TBL1XR1: variants seen among roughly 807,000 people sequenced by gnomAD.
The protein encoded by TBL1XR1 is TBL1X/Y related 1.
In TBL1XR1, 5 loss-of-function variants were observed where a neutral mutation model predicts 66.9. The observed-to-expected ratio is 0.07, with a 90% CI of 0.04 to 0.16. TBL1XR1 has a LOEUF of 0.16. TBL1XR1 is among the 10% of genes least tolerant of loss of function. TBL1XR1 has a pLI of 1.00. For missense variants in TBL1XR1, 238 were observed against 623.2 expected (o/e 0.38, Z 6.58); for synonymous variants, 210 against 206.0 (o/e 1.02, Z -0.17).
intron 1 of TBL1XR1, among the ~76,000 whole-genome samples, chr3:177,152,584 C>G (rs775181970): frequency 5.3e-5 from 8 of 152,184 alleles, no homozygotes; most frequent in Non-Finnish European, 8.8e-5. Flanking sequence ...AGCCATGGTG[C>G]CCGGCCGCCC....
At chr3:177,037,841 A>C (rs1446531834) in intron 12 of TBL1XR1, 1 of 349,644 alleles carries the variant, frequency 2.9e-6, no homozygotes, top group Non-Finnish European at 5.3e-6. Flanking sequence ...GGAGAGCCCT[A>C]ACTAATAGGG....
At chr3:177,043,926 C>A (rs1017350392) in intron 10 of TBL1XR1, among the ~76,000 whole-genome samples, 4 of 152,070 alleles carry the variant, frequency 2.6e-5, no homozygotes, top group Non-Finnish European at 5.9e-5. Flanking sequence ...TTTAAATGGG[C>A]TAAATAATCT....
intron 1 of TBL1XR1, among the ~76,000 whole-genome samples, chr3:177,158,692 C>G (rs1731814636): frequency 6.6e-6 from 1 of 152,132 alleles, no homozygotes. Context: ...AAGAAGCTGA[C>G]AGACCTGCAT....
intron 1 of TBL1XR1, among the ~76,000 whole-genome samples, chr3:177,139,733 A>G (rs1461051837): frequency 6.6e-6 from 1 of 152,116 alleles, no homozygotes; most frequent in African/African-American, 2.4e-5. Flanking sequence ...ACAACGTAAG[A>G]CATGCAAAAG....
At chr3:177,183,424 A>G (rs1735055395) in intron 1 of TBL1XR1, among the ~76,000 whole-genome samples, 1 of 152,174 alleles carries the variant, frequency 6.6e-6, no homozygotes, top group Admixed American at 6.5e-5. Flanking sequence ...GTAAAATTTA[A>G]CATATATATT....
intron 1 of TBL1XR1, among the ~76,000 whole-genome samples, chr3:177,154,354 G>C (rs951920467): frequency 3.3e-5 from 5 of 151,906 alleles, no homozygotes; most frequent in African/African-American, 7.3e-5. Context: ...CTAAATGTGT[G>C]TACCTAACAC....
At chr3:177,060,540 A>C (rs1186969032) in intron 3 of TBL1XR1, among the ~76,000 whole-genome samples, 1 of 152,220 alleles carries the variant, frequency 6.6e-6, no homozygotes, top group Non-Finnish European at 1.5e-5. Flanking sequence ...CTTTCCCTAA[A>C]GCAAATATAC....
chr3:177,108,066 T>C (rs1725101260), intron 1 of TBL1XR1, among the ~76,000 whole-genome samples: 1 of 151,340 alleles, frequency 6.6e-6, no homozygotes, highest in African/African-American at 2.4e-5. Flanking sequence ...CCACAGGTCA[T>C]AGTTTGTTGA....
chr3:177,066,129 G>C lies in TBL1XR1; in HGVS notation c.-45-1107C>G, dbSNP rs149950898. On this transcript the variant is annotated intron_variant, in intron 2 of 15. Coordinates refer to ENST00000457928, the MANE Select transcript of TBL1XR1 (RefSeq NM_024665.7). ...TATGCTGGTTGTCCTGCCACATCAT[G>C]GATTTCTTTATGATACAGTTAGCAG... 3.2e-3 allele frequency among the ~76,000 whole-genome samples: 488 copies of C among 152,012 alleles called. 4 individuals carry two copies. Among genetic ancestry groups the C allele is most frequent in the Middle Eastern group, 0.01 (3 of 294 alleles).
At chr3:177,063,073 G>A (rs974509094) in intron 3 of TBL1XR1, among the ~76,000 whole-genome samples, 2 of 151,816 alleles carry the variant, frequency 1.3e-5, no homozygotes, top group South Asian at 2.1e-4. Flanking sequence ...CCGAGATCAC[G>A]CCACTGCACT....
intron 1 of TBL1XR1, among the ~76,000 whole-genome samples, chr3:177,130,836 T>A (rs575754356): frequency 6.6e-6 from 1 of 152,098 alleles, no homozygotes; most frequent in African/African-American, 2.4e-5. Flanking sequence ...AAGGCCACCA[T>A]ATTTGGGGTT....
chr3:177,043,557 T>C (rs1432070853), intron 10 of TBL1XR1, among the ~76,000 whole-genome samples: 1 of 152,184 alleles, frequency 6.6e-6, no homozygotes, highest in African/African-American at 2.4e-5. Context: ...TATTTATTTT[T>C]ACATCATTTT....
chr3:177,033,996 TTGCAAAACCAG>T (rs1250985064), intron 13 of TBL1XR1, among the ~76,000 whole-genome samples, 191 bp downstream of exon 13: 1 of 151,912 alleles, frequency 6.6e-6, no homozygotes, highest in Non-Finnish European at 1.5e-5. Context: ...ACTACACTGC[TTGCAAAACCAG>T]TGCACAGAAA....
At chr3:177,042,061 T>C (rs1358130305) in intron 10 of TBL1XR1, among the ~76,000 whole-genome samples, 1 of 152,196 alleles carries the variant, frequency 6.6e-6, no homozygotes, top group East Asian at 1.9e-4. Context: ...AAATTCCCTT[T>C]ATTGGAGTGT....
intron 2 of TBL1XR1, among the ~76,000 whole-genome samples, chr3:177,070,852 A>AT (rs949047033): frequency 5.3e-5 from 8 of 151,600 alleles, no homozygotes; most frequent in East Asian, 3.9e-4. Context: ...TCTCAAAAAA[A>AT]AAATAAATAA....
intron 13 of TBL1XR1, among the ~76,000 whole-genome samples, chr3:177,033,932 G>A (rs1335736379): frequency 6.6e-6 from 1 of 152,082 alleles, no homozygotes; most frequent in Non-Finnish European, 1.5e-5. Context: ...GGAGGTGGGA[G>A]TGGGGAGAAG....
chr3:177,096,849 C>T (rs1002059663), intron 2 of TBL1XR1, among the ~76,000 whole-genome samples: 3 of 152,078 alleles, frequency 2.0e-5, no homozygotes, highest in African/African-American at 7.2e-5. Context: ...ATCCTTTGTG[C>T]TAGGTAAAGC....
At chr3:177,084,335 C>G (rs1462386568) in intron 2 of TBL1XR1, among the ~76,000 whole-genome samples, 4 of 152,158 alleles carry the variant, frequency 2.6e-5, no homozygotes, top group Non-Finnish European at 5.9e-5. Context: ...TTCATAACTT[C>G]GTTTTGGCTG....
intron 1 of TBL1XR1, among the ~76,000 whole-genome samples, chr3:177,124,698 C>T (rs140193678): frequency 2.6e-5 from 4 of 152,068 alleles, no homozygotes; most frequent in East Asian, 1.9e-4. Context: ...GCTTAACTCA[C>T]GGCATCTTTT....
Sources: allele counts gnomAD v4.1 joint callset (sites outside exome capture counted in the v4.1 genomes callset), GRCh38; gene constraint gnomAD v4.1.1; transcripts MANE v1.5; gene names NCBI Gene and HGNC (gene_info 2026-07-23, HGNC 2026-07-21).